The following TRAF2 variants were observed in gnomAD, a reference collection of about 807,000 sequenced individuals.
The protein encoded by TRAF2 is TNF receptor-associated factor 2.
TRAF2 carries 6 observed loss-of-function variants against 55.6 expected under a neutral mutation model. The observed-to-expected ratio is 0.11, with a 90% CI of 0.06 to 0.21. The LOEUF (loss-of-function observed/expected upper bound fraction) is 0.21. Among genes scored for constraint, TRAF2 ranks in the 10% least tolerant of loss-of-function variants. The pLI, the probability that TRAF2 is intolerant of heterozygous loss-of-function variation, is 1.00. For missense variants in TRAF2, 561 were observed against 684.5 expected (o/e 0.82, Z 2.01); for synonymous variants, 329 against 276.3 (o/e 1.19, Z -1.89).
chr9:136,906,556 A>T (rs1022861867), intron 4 of TRAF2, among the ~76,000 whole-genome samples: 5 of 152,090 alleles, frequency 3.3e-5, no homozygotes, highest in Non-Finnish European at 7.4e-5. Context: ...CCCACAACAC[A>T]TGGGGATTAT....
At chr9:136,903,552 A>T (rs1849872109) in intron 4 of TRAF2, among the ~76,000 whole-genome samples, 2 of 148,094 alleles carry the variant, frequency 1.4e-5, no homozygotes, top group Non-Finnish European at 3.0e-5. Context: ...TTTTTTTTAA[A>T]CTGTGTCTGC....
At chr9:136,909,842 C>G (rs1278417638) in intron 5 of TRAF2, 78 bp from the exon 6 acceptor site, 1 of 1,477,808 alleles carries the variant, frequency 6.8e-7, no homozygotes, top group East Asian at 2.3e-5. Context: ...CGCTGCCCAG[C>G]CTGAGCACTG....
intron 4 of TRAF2, among the ~76,000 whole-genome samples, chr9:136,906,787 G>A (rs1005847356): frequency 6.6e-6 from 1 of 152,224 alleles, no homozygotes; most frequent in Admixed American, 6.5e-5. Flanking sequence ...TAAGCGGCAC[G>A]TTCAGTCTGC....
intron 6 of TRAF2, among the ~76,000 whole-genome samples, chr9:136,915,710 C>T (rs368217427): frequency 1.3e-5 from 2 of 152,130 alleles, no homozygotes; most frequent in East Asian, 1.9e-4. Flanking sequence ...TTCTGACGGG[C>T]GTTTCCCAAG....
Position 136,921,166 on chromosome 9 carries a change from G to A in TRAF2, c.1089G>A (p.Arg363=), listed in dbSNP as rs770383698. ...TCTGGAAGATCTCAGACTTCGCCAG[G>A]AAGCGCCAGGAAGCTGTGGCTGGCC... The part of the protein sequence containing the change: ...VFIWKISDFA[R]KRQEAVAGRI... The change falls in exon 9 of 11, where the codon AGG becomes AGA. Residue 363 remains arginine (R), a synonymous_variant. Transcript: ENST00000247668. 5.6e-6 allele frequency: 9 copies of A among 1,613,872 alleles called. No individual in the cohort carries two copies. Among genetic ancestry groups the A allele is most frequent in the East Asian group, 2.2e-5 (1 of 44,898 alleles).
At chr9:136,901,770 G>C (rs566520012) in intron 4 of TRAF2, among the ~76,000 whole-genome samples, 2 of 152,120 alleles carry the variant, frequency 1.3e-5, no homozygotes, top group African/African-American at 4.8e-5. Flanking sequence ...CTGCTCAGCC[G>C]GACCCTGGGG....
chr9:136,890,762 G>A (rs904743370), intron 1 of TRAF2, among the ~76,000 whole-genome samples: 1 of 152,196 alleles, frequency 6.6e-6, no homozygotes, highest in African/African-American at 2.4e-5. Context: ...GGACCTCAGG[G>A]TCCCCTGACC....
At chr9:136,904,974 C>A (rs1849912832) in intron 4 of TRAF2, among the ~76,000 whole-genome samples, 1 of 152,168 alleles carries the variant, frequency 6.6e-6, no homozygotes, top group Admixed American at 6.5e-5. Context: ...GCCCATGTTC[C>A]CTGGGGCGCC....
intron 6 of TRAF2, among the ~76,000 whole-genome samples, chr9:136,912,526 A>G (rs1190655091): frequency 6.6e-6 from 1 of 152,048 alleles, no homozygotes; most frequent in Non-Finnish European, 1.5e-5. Context: ...GTTTTATGTT[A>G]TATATAGAGT....
chr9:136,910,295 C>T (rs1850073835), intron 6 of TRAF2, among the ~76,000 whole-genome samples: 1 of 152,160 alleles, frequency 6.6e-6, no homozygotes, highest in Non-Finnish European at 1.5e-5. Flanking sequence ...TTCTCATCGC[C>T]CTCCATGTGC....
intron 9 of TRAF2, among the ~76,000 whole-genome samples, chr9:136,922,048 G>C (rs895685219): frequency 2.0e-5 from 3 of 152,228 alleles, no homozygotes; most frequent in Admixed American, 6.5e-5. Context: ...AGATGCTGTA[G>C]GCACCTTTCC....
At chr9:136,910,097 A>G in intron 6 of TRAF2, 103 bp downstream of exon 6, 1 of 1,250,650 alleles carries the variant, frequency 8.0e-7, no homozygotes, top group Non-Finnish European at 1.1e-6. Flanking sequence ...CCTTGTGCCC[A>G]AAGGAACAGC....
At chr9:136,920,193 T>TG in intron 7 of TRAF2, 41 bp from the exon 8 acceptor site, 1 of 1,563,448 alleles carries the variant, frequency 6.4e-7, no homozygotes, top group Non-Finnish European at 8.7e-7. Context: ...GGGAGCCGAA[T>TG]GGTGGATGGA....
intron 6 of TRAF2, 144 bp from the exon 7 acceptor site, chr9:136,916,394 TGGG>T: frequency 1.4e-6 from 1 of 722,980 alleles, no homozygotes; most frequent in Non-Finnish European, 2.4e-6. Flanking sequence ...GCTTTGGAAA[TGGG>T]CTGTTGGGTT....
At chr9:136,907,885 A>G (rs940894819) in intron 4 of TRAF2, among the ~76,000 whole-genome samples, 185 bp from the exon 5 acceptor site, 6 of 151,662 alleles carry the variant, frequency 4.0e-5, no homozygotes, top group Non-Finnish European at 7.4e-5. Context: ...ACGAGGACAC[A>G]CTGATCTGAT....
intron 10 of TRAF2, among the ~76,000 whole-genome samples, chr9:136,925,004 T>C (rs1850494004): frequency 1.3e-5 from 2 of 152,216 alleles, no homozygotes; most frequent in South Asian, 4.1e-4. Flanking sequence ...CCCAAAGTGC[T>C]GGGATTGTAG....
chr9:136,907,025 G>T (rs761021363), intron 4 of TRAF2, among the ~76,000 whole-genome samples: 1 of 152,248 alleles, frequency 6.6e-6, no homozygotes, highest in Non-Finnish European at 1.5e-5. Flanking sequence ...CCCTCAAGAC[G>T]GTCGGGGAAG....
chr9:136,908,062 G>A lies in TRAF2; in HGVS notation c.367-8G>A, dbSNP rs541430776. 2.4e-5 allele frequency: 39 copies of A among 1,596,938 alleles called. No individual in the cohort carries two copies. Among genetic ancestry groups the A allele is most frequent in the South Asian group, 3.3e-5 (3 of 90,372 alleles). On this transcript the variant is annotated splice_polypyrimidine_tract_variant and splice_region_variant and intron_variant, in intron 4 of 10. Transcript: ENST00000247668. ...AGTTCTACTGACGCTTCCTCCTTTCGTTGCTAGAGCTGCCACGAAGGCCGC... is the reference window on the plus strand; with the variant it reads ...AGTTCTACTGACGCTTCCTCCTTTCATTGCTAGAGCTGCCACGAAGGCCGC...
intron 6 of TRAF2, among the ~76,000 whole-genome samples, chr9:136,912,321 C>G (rs1850135078): frequency 6.6e-6 from 1 of 151,906 alleles, no homozygotes. Context: ...GCCACTCCAC[C>G]TAGCTAATTT....
Sources: gnomAD v4.1 joint callset for allele counts (sites outside exome capture counted in the v4.1 genomes callset) on GRCh38, gnomAD v4.1.1 for gene constraint, MANE v1.5 for transcripts, NCBI Gene and HGNC (gene_info 2026-07-23, HGNC 2026-07-21) for gene names.